ZMAT4: variants seen among roughly 807,000 people sequenced by gnomAD.
The protein encoded by ZMAT4 is zinc finger matrin-type protein 4.
ZMAT4 carries 17 observed loss-of-function variants against 28.7 expected under a neutral mutation model. That is an observed-to-expected ratio of 0.59 (90% confidence interval 0.41 to 0.89). The LOEUF is 0.89. Among genes scored for constraint, ZMAT4 ranks in the 40% least tolerant of loss-of-function variants. The pLI, the probability that ZMAT4 is intolerant of heterozygous loss-of-function variation, is 0.00. For missense variants in ZMAT4, 240 were observed against 283.8 expected, an observed-to-expected ratio of 0.85 and a Z score of 1.11; for synonymous variants, 117 against 109.2, an observed-to-expected ratio of 1.07 and a Z score of -0.44.
chr8:40,586,738 T>C (rs1668821110), intron 5 of ZMAT4, among the ~76,000 whole-genome samples: 1 of 152,216 alleles, frequency 6.6e-6, no homozygotes, highest in Admixed American at 6.5e-5. Flanking sequence ...TCATTGAGCC[T>C]TTATTACTGT....
chr8:40,807,590 C>G (rs7840676), intron 2 of ZMAT4, among the ~76,000 whole-genome samples: 96,771 of 152,072 alleles, frequency 0.64, 31,326 homozygotes, highest in Middle Eastern at 0.74. Flanking sequence ...ATGAAACAGA[C>G]TATGTACCTC....
At chr8:40,813,335 T>C (rs886596448) in intron 2 of ZMAT4, among the ~76,000 whole-genome samples, 6 of 152,234 alleles carry the variant, frequency 3.9e-5, no homozygotes, top group Non-Finnish European at 7.3e-5. Flanking sequence ...CAACCTCATG[T>C]TACAGAAGAA....
At chr8:40,546,911 C>A (rs1232491023) in intron 6 of ZMAT4, among the ~76,000 whole-genome samples, 1 of 152,138 alleles carries the variant, frequency 6.6e-6, no homozygotes, top group African/African-American at 2.4e-5. Context: ...AGCGCCTGAT[C>A]TTAGTAGAGT....
chr8:40,839,646 C>T (rs967896542), intron 1 of ZMAT4, among the ~76,000 whole-genome samples: 1 of 152,216 alleles, frequency 6.6e-6, no homozygotes, highest in East Asian at 1.9e-4. Flanking sequence ...AATGAAATCA[C>T]ACCTTTTGCA....
chr8:40,642,587 G>A (rs922743684), intron 5 of ZMAT4, among the ~76,000 whole-genome samples: 4 of 152,102 alleles, frequency 2.6e-5, no homozygotes, highest in Non-Finnish European at 4.4e-5. Context: ...CTAATACACA[G>A]GTATGTTCTT....
At chr8:40,784,439 GA>G (rs1270080276) in intron 2 of ZMAT4, among the ~76,000 whole-genome samples, 2 of 152,060 alleles carry the variant, frequency 1.3e-5, no homozygotes, top group African/African-American at 4.8e-5. Flanking sequence ...CAGGTTATAT[GA>G]AAAATCGATA....
In ZMAT4 at chr8:40,672,108, T is replaced by G. The variant is rs146789392; in HGVS notation, c.577+2596A>C. On this transcript the variant is annotated intron_variant, in intron 5 of 6. Transcript: ENST00000297737. ...GAGAGAAAGAAAATACAAAAAAAAG[T>G]AAGTAAACAAGACAGTGTTTAAAAA... is the stretch of plus-strand genomic sequence containing the variant. 1.2e-4 allele frequency among the ~76,000 whole-genome samples: 19 copies of G among 152,122 alleles called. No individual in the cohort carries two copies. In the East Asian group the frequency reaches 3.5e-3, roughly 28 times the overall value.
intron 1 of ZMAT4, among the ~76,000 whole-genome samples, chr8:40,887,043 C>T (rs1009268118): frequency 2.6e-5 from 4 of 151,572 alleles, no homozygotes; most frequent in Non-Finnish European, 5.9e-5. Context: ...TGGTGGCGGG[C>T]GCCTGTAGTC....
intron 5 of ZMAT4, among the ~76,000 whole-genome samples, chr8:40,606,840 A>C (rs1260219148): frequency 6.6e-6 from 1 of 152,130 alleles, no homozygotes; most frequent in Non-Finnish European, 1.5e-5. Flanking sequence ...GAACACCAAT[A>C]ATTCTTATGT....
chr8:40,670,984 C>T (rs1485923179), intron 5 of ZMAT4, among the ~76,000 whole-genome samples: 1 of 151,428 alleles, frequency 6.6e-6, no homozygotes, highest in African/African-American at 2.4e-5. Flanking sequence ...AGGAGAATCT[C>T]TTGAACCTGG....
chr8:40,759,009 G>A (rs1023411119), intron 3 of ZMAT4, among the ~76,000 whole-genome samples: 1 of 151,974 alleles, frequency 6.6e-6, no homozygotes, highest in Admixed American at 6.6e-5. Context: ...TCTAGGCCAG[G>A]TGCAGTGGAT....
chr8:40,741,571 C>T (rs1337531290), intron 3 of ZMAT4, among the ~76,000 whole-genome samples: 2 of 151,962 alleles, frequency 1.3e-5, no homozygotes, highest in African/African-American at 4.8e-5. Context: ...TGGTAATATC[C>T]AGTATTATTA....
intron 5 of ZMAT4, among the ~76,000 whole-genome samples, chr8:40,661,144 A>C (rs912379103): frequency 2.6e-5 from 4 of 152,182 alleles, no homozygotes; most frequent in Admixed American, 1.3e-4. Flanking sequence ...TCTGTTGCCC[A>C]GGCCAGAGTG....
intron 1 of ZMAT4, among the ~76,000 whole-genome samples, chr8:40,879,143 C>T (rs980869941): frequency 6.6e-6 from 1 of 152,246 alleles, no homozygotes; most frequent in African/African-American, 2.4e-5. Flanking sequence ...TTGTTTCAGC[C>T]GAGTATGGTG....
chr8:40,677,058 A>T (rs73677448), intron 4 of ZMAT4, among the ~76,000 whole-genome samples: 3,189 of 152,282 alleles, frequency 0.021, 105 homozygotes, highest in African/African-American at 0.073. Flanking sequence ...AATGTCTACA[A>T]TATGAATAAA....
At chr8:40,548,685 C>T (rs1221799878) in intron 6 of ZMAT4, among the ~76,000 whole-genome samples, 1 of 152,132 alleles carries the variant, frequency 6.6e-6, no homozygotes, top group Non-Finnish European at 1.5e-5. Context: ...TGCAGATTCA[C>T]TCCACACATC....
chr8:40,621,009 G>C (rs1436825779), intron 5 of ZMAT4, among the ~76,000 whole-genome samples: 1 of 152,150 alleles, frequency 6.6e-6, no homozygotes, highest in Non-Finnish European at 1.5e-5. Context: ...CAACATTTCT[G>C]TTCCACAAAA....
chr8:40,615,002 T>G (rs1271343520), intron 5 of ZMAT4, among the ~76,000 whole-genome samples: 1 of 152,252 alleles, frequency 6.6e-6, no homozygotes, highest in Non-Finnish European at 1.5e-5. Flanking sequence ...CTTTAGTTGA[T>G]GCAGTTTCTT....
intron 4 of ZMAT4, among the ~76,000 whole-genome samples, chr8:40,679,936 A>C (rs1270414598): frequency 6.6e-6 from 1 of 152,218 alleles, no homozygotes; most frequent in African/African-American, 2.4e-5. Context: ...TATGGTAACC[A>C]AGAGTTTTCT....
Sources: gnomAD v4.1 joint callset for allele counts (sites outside exome capture counted in the v4.1 genomes callset) on GRCh38, gnomAD v4.1.1 for gene constraint, MANE v1.5 for transcripts, NCBI Gene and HGNC (gene_info 2026-07-23, HGNC 2026-07-21) for gene names.